Variants in WWOX observed in about 807,000 individuals in gnomAD.
The protein encoded by WWOX is WW domain-containing oxidoreductase.
Under a neutral mutation model 46.2 loss-of-function variants are expected in WWOX, and 69 were observed. The ratio of observed to expected loss-of-function variants is 1.49; its 90% confidence interval spans 1.23 to 1.82. WWOX has a LOEUF of 1.82. WWOX is among the 40% of genes most tolerant of loss of function. WWOX has a pLI of 0.00. For missense variants in WWOX, 919 were observed against 542.6 expected (o/e 1.69, Z -6.89); for synonymous variants, 359 against 202.6 (o/e 1.77, Z -6.56).
At chr16:78,771,084 T>TGCATGC (rs2050052791) in intron 8 of WWOX, among the ~76,000 whole-genome samples, 1 of 152,160 alleles carries the variant, frequency 6.6e-6, no homozygotes, top group Non-Finnish European at 1.5e-5. Flanking sequence ...GGCATGCAAG[T>TGCATGC]AAGCCAGCTG....
Position 78,802,701 on chromosome 16 carries a change from A to C in WWOX, c.1056+369949A>C, listed in dbSNP as rs77611085. ...GAGGCCAAGGCAGGCAGATTACTTG[A>C]GGTCAGGAGTTCAAGATCAGCCTGG... On this transcript the variant is annotated intron_variant, in intron 8 of 8. Coordinates refer to ENST00000566780, the MANE Select transcript of WWOX (RefSeq NM_016373.4). 4.9e-3 allele frequency among the ~76,000 whole-genome samples: 741 copies of C among 151,920 alleles called. 2 individuals are homozygous for C. The highest frequency in any genetic ancestry group is 0.027 in the Middle Eastern group (8 of 294).
At chr16:79,127,317 A>G (rs550730937) in intron 8 of WWOX, among the ~76,000 whole-genome samples, 1 of 152,154 alleles carries the variant, frequency 6.6e-6, no homozygotes, top group Non-Finnish European at 1.5e-5. Context: ...AGACATTATT[A>G]TGCATTTACA....
intron 6 of WWOX, among the ~76,000 whole-genome samples, chr16:78,419,625 C>CAAAAAAAAAAA (rs60762734): frequency 2.4e-3 from 106 of 44,568 alleles, no homozygotes; most frequent in African/African-American, 2.9e-3. Flanking sequence ...CAAAAAATAG[C>CAAAAAAAAAAA]AAAAAAAAAA....
At chr16:78,121,504 C>T (rs549087176) in intron 4 of WWOX, among the ~76,000 whole-genome samples, 1 of 152,070 alleles carries the variant, frequency 6.6e-6, no homozygotes, top group Non-Finnish European at 1.5e-5. Flanking sequence ...AAGTAAATAT[C>T]TAAAGGAAGA....
At chr16:78,902,070 G>A (rs911089446) in intron 8 of WWOX, among the ~76,000 whole-genome samples, 2 of 152,186 alleles carry the variant, frequency 1.3e-5, no homozygotes, top group Non-Finnish European at 2.9e-5. Context: ...TGGCAAAATC[G>A]TCTTGGAGAA....
chr16:79,101,797 T>A (rs962101532), intron 8 of WWOX: 1 of 150,600 alleles, frequency 6.6e-6, no homozygotes, highest in African/African-American at 2.5e-5. Context: ...ACTTTCCAGA[T>A]AGTTTTTTCT....
intron 8 of WWOX, among the ~76,000 whole-genome samples, chr16:78,492,767 A>G (rs752638540): frequency 6.6e-6 from 1 of 152,186 alleles, no homozygotes; most frequent in Non-Finnish European, 1.5e-5. Context: ...GCATAATCAC[A>G]TCAAGGTGTG....
intron 8 of WWOX, among the ~76,000 whole-genome samples, chr16:79,007,183 G>C (rs938768178): frequency 1.3e-5 from 2 of 151,492 alleles, no homozygotes; most frequent in African/African-American, 4.9e-5. Context: ...GGGCGTTGAA[G>C]AAGTCAACGA....
chr16:78,751,099 AAAGAG>A (rs1265384680), intron 8 of WWOX, among the ~76,000 whole-genome samples: 1 of 152,204 alleles, frequency 6.6e-6, no homozygotes, highest in Non-Finnish European at 1.5e-5. Context: ...GTTGCAGAGA[AAAGAG>A]AAGAGTGCTG....
intron 6 of WWOX, among the ~76,000 whole-genome samples, chr16:78,387,176 G>A (rs2082077325): frequency 6.6e-6 from 1 of 152,156 alleles, no homozygotes; most frequent in African/African-American, 2.4e-5. Flanking sequence ...TACCAAAAGA[G>A]AAGACACTAT....
chr16:79,010,938 T>G (rs2151376172), intron 8 of WWOX, among the ~76,000 whole-genome samples: 1 of 151,710 alleles, frequency 6.6e-6, no homozygotes, highest in African/African-American at 2.4e-5. Context: ...TGCCATGGCT[T>G]TGGTTTCTAC....
chr16:78,309,110 A>G (rs2080186853), intron 5 of WWOX, among the ~76,000 whole-genome samples: 1 of 152,188 alleles, frequency 6.6e-6, no homozygotes, highest in Admixed American at 6.5e-5. Flanking sequence ...TCCACCTGAT[A>G]TGGTTTGGCT....
At chr16:78,189,747 C>A (rs952662464) in intron 5 of WWOX, among the ~76,000 whole-genome samples, 1 of 152,090 alleles carries the variant, frequency 6.6e-6, no homozygotes, top group Non-Finnish European at 1.5e-5. Flanking sequence ...CTCCGCCTCC[C>A]AAGTTCAAGC....
At chr16:79,025,239 C>T (rs1465877336) in intron 8 of WWOX, among the ~76,000 whole-genome samples, 1 of 152,144 alleles carries the variant, frequency 6.6e-6, no homozygotes, top group Non-Finnish European at 1.5e-5. Flanking sequence ...CTGAGAGGCT[C>T]TTGCAGTTAT....
intron 5 of WWOX, among the ~76,000 whole-genome samples, chr16:78,273,643 C>G (rs1279787306): frequency 6.6e-6 from 1 of 151,974 alleles, no homozygotes; most frequent in East Asian, 1.9e-4. Flanking sequence ...AATGATGAGC[C>G]CTTGAGCAAA....
intron 8 of WWOX, among the ~76,000 whole-genome samples, chr16:78,837,837 G>A (rs1444566419): frequency 6.6e-6 from 1 of 152,126 alleles, no homozygotes; most frequent in Non-Finnish European, 1.5e-5. Flanking sequence ...AATTTTCATA[G>A]TCATCCTGTG....
chr16:78,521,016 G>C (rs1220680935), intron 8 of WWOX, among the ~76,000 whole-genome samples: 2 of 152,184 alleles, frequency 1.3e-5, no homozygotes, highest in African/African-American at 4.8e-5. Flanking sequence ...GGGTCAAGGA[G>C]ATTGCCTCCA....
intron 8 of WWOX, among the ~76,000 whole-genome samples, chr16:78,610,629 G>C (rs1412446517): frequency 3.3e-5 from 5 of 151,970 alleles, no homozygotes; most frequent in Non-Finnish European, 7.4e-5. Flanking sequence ...GTTTATATCT[G>C]TTGCCCCTTC....
rs1332041106 is a variant in WWOX, at chr16:78,343,957, C to A, written c.517-42903C>A. 2.5e-5 allele frequency among the ~76,000 whole-genome samples: 3 copies of A among 120,312 alleles called. No individual in the cohort carries two copies. The East Asian group carries it at 5.8e-4, about 23-fold the overall frequency. 78.9% of individuals were successfully genotyped at this position (120,312 alleles called of 152,430 possible). A position where few individuals can be genotyped will look rare whatever the true frequency, so the allele number is the denominator to read the frequency against. On this transcript the variant is annotated intron_variant, in intron 5 of 8. Coordinates refer to ENST00000566780, the MANE Select transcript of WWOX (RefSeq NM_016373.4). ...TAAATGTGGTTGCATCATCTTCTTT[C>A]TTCCTTTGCCTTCCTCCCTTGCTCT...
Sources: gnomAD v4.1 joint callset for allele counts (sites outside exome capture counted in the v4.1 genomes callset) on GRCh38, gnomAD v4.1.1 for gene constraint, MANE v1.5 for transcripts, NCBI Gene and HGNC (gene_info 2026-07-23, HGNC 2026-07-21) for gene names.